The following KCNJ12 variants were observed in gnomAD, a reference collection of about 807,000 sequenced individuals.
The protein encoded by KCNJ12 is ATP-sensitive inward rectifier potassium channel 12.
KCNJ12 carries 2 observed loss-of-function variants against 22.3 expected under a neutral mutation model. The ratio of observed to expected loss-of-function variants is 0.09; its 90% CI spans 0.04 to 0.28. KCNJ12 has a LOEUF of 0.28. Ranked by LOEUF, KCNJ12 falls within the 10% of genes least tolerant of loss-of-function variation. KCNJ12 has a pLI of 1.00. For synonymous variants in KCNJ12, 117 were observed against 261.4 expected, an observed-to-expected ratio of 0.45 and a Z score of 5.33; for missense variants, 155 against 633.3, an observed-to-expected ratio of 0.24 and a Z score of 8.11.
intron 1 of KCNJ12, among the ~76,000 whole-genome samples, chr17:21,404,634 C>G (rs1597572449): frequency 6.6e-6 from 1 of 152,342 alleles, no homozygotes; most frequent in South Asian, 2.1e-4. Flanking sequence ...CTCCCCTGTT[C>G]CTAGGACTTA....
At chr17:21,384,853 A>G (rs1453384103) in intron 1 of KCNJ12, among the ~76,000 whole-genome samples, 1 of 149,378 alleles carries the variant, frequency 6.7e-6, no homozygotes, top group Non-Finnish European at 1.5e-5. Flanking sequence ...GCTCACTGCA[A>G]TCTCCGCCTC....
chr17:21,412,164 G>T (rs1213953503), intron 2 of KCNJ12, among the ~76,000 whole-genome samples: 1 of 152,296 alleles, frequency 6.6e-6, no homozygotes, highest in Admixed American at 6.5e-5. Context: ...TTGGCTCTGA[G>T]AAATGAGGGA....
rs186781189 is a variant in KCNJ12 at position 21,377,212 on chromosome 17, C to T, written c.-179+299C>T. 2.3e-3 allele frequency among the ~76,000 whole-genome samples: 348 copies of T among 152,084 alleles called. 1 individual carries two copies. The highest frequency in any genetic ancestry group is 4.2e-3 in the Non-Finnish European group (285 of 67,986). Reference sequence around the variant, plus strand: ...GGCGCTCCGGGAAACTTTGAGGAGCCCTCGGCCCCCCTCTGACTGGTTTGC... The same window carrying T: ...GGCGCTCCGGGAAACTTTGAGGAGCTCTCGGCCCCCCTCTGACTGGTTTGC... On this transcript the variant is annotated intron_variant, in intron 1 of 2. Transcript: ENST00000583088.
intron 1 of KCNJ12, chr17:21,405,176 C>T (rs1236609071): frequency 1.3e-5 from 2 of 152,788 alleles, no homozygotes; most frequent in East Asian, 1.9e-4. Flanking sequence ...AGCTTTCCGT[C>T]CTGTTGGGAA....
intron 1 of KCNJ12, among the ~76,000 whole-genome samples, chr17:21,386,971 C>T (rs1470213589): frequency 2.0e-5 from 3 of 152,234 alleles, no homozygotes; most frequent in Non-Finnish European, 4.4e-5. Flanking sequence ...AGCCACTACT[C>T]ATGGCCAACC....
chr17:21,382,559 A>C, intron 1 of KCNJ12, among the ~76,000 whole-genome samples: 1 of 152,194 alleles, frequency 6.6e-6, no homozygotes, highest in Non-Finnish European at 1.5e-5. Context: ...TGCAATGATC[A>C]ACTCCAGCGG....
At chr17:21,409,571 C>T (rs1480671937) in intron 2 of KCNJ12, among the ~76,000 whole-genome samples, 2 of 152,310 alleles carry the variant, frequency 1.3e-5, no homozygotes, top group Non-Finnish European at 2.9e-5. Context: ...AGCAGTGCCC[C>T]TCCCAGGGGC....
chr17:21,407,565 C>G (rs577948099), intron 1 of KCNJ12, among the ~76,000 whole-genome samples: 1 of 151,548 alleles, frequency 6.6e-6, no homozygotes, highest in Non-Finnish European at 1.5e-5. Flanking sequence ...TCCATCCACC[C>G]ACCCATTACC....
intron 1 of KCNJ12, among the ~76,000 whole-genome samples, chr17:21,386,428 C>T (rs1320254): frequency 0.45 from 69,162 of 152,118 alleles, 18,588 homozygotes; most frequent in Non-Finnish European, 0.59. Flanking sequence ...GATCCTCCTG[C>T]CTTAATCTCC....
intron 1 of KCNJ12, among the ~76,000 whole-genome samples, chr17:21,378,434 C>A (rs1904747521): frequency 6.6e-6 from 1 of 152,216 alleles, no homozygotes; most frequent in Non-Finnish European, 1.5e-5. Flanking sequence ...TCTGGTGGCA[C>A]CTCCAACCAG....
chr17:21,404,480 C>A (rs1455296769), intron 1 of KCNJ12, among the ~76,000 whole-genome samples: 2 of 152,262 alleles, frequency 1.3e-5, no homozygotes, highest in African/African-American at 4.8e-5. Flanking sequence ...TGAAGGCAGG[C>A]GCCCAATGCT....
chr17:21,406,461 T>A (rs1555561073), intron 1 of KCNJ12, among the ~76,000 whole-genome samples: 1 of 152,294 alleles, frequency 6.6e-6, no homozygotes, highest in Non-Finnish European at 1.5e-5. Flanking sequence ...GTTTTGAGGA[T>A]GGAATGGCTG....
At position 21,379,019 on chromosome 17, in the gene KCNJ12, C is replaced by T. The variant is rs78135491; in HGVS notation, c.-179+2106C>T. On this transcript the variant is annotated intron_variant, in intron 1 of 2. Coordinates refer to ENST00000583088, the MANE Select transcript of KCNJ12 (RefSeq NM_021012.5). ...TTCACCTAGCTCTTTCCAGGCCAGGCGCTTACCCCACCAGCCTTCCTGCCC... is the reference window on the plus strand; with the variant it reads ...TTCACCTAGCTCTTTCCAGGCCAGGTGCTTACCCCACCAGCCTTCCTGCCC... Among the ~76,000 whole-genome samples, 30 of 152,314 alleles carry T rather than the reference C, an allele frequency of 2.0e-4. No individual in the cohort carries two copies. The East Asian group carries it at 4.4e-3, about 23-fold the overall frequency.
intron 1 of KCNJ12, among the ~76,000 whole-genome samples, chr17:21,392,455 C>T (rs1194683005): frequency 6.6e-6 from 1 of 152,094 alleles, no homozygotes. Flanking sequence ...CCTCTGGCCC[C>T]ATGAGGCTGC....
intron 1 of KCNJ12, among the ~76,000 whole-genome samples, chr17:21,403,325 G>C (rs4985857): frequency 1.3e-5 from 2 of 152,306 alleles, no homozygotes; most frequent in African/African-American, 2.4e-5. Context: ...ACATGGGTCC[G>C]ATTTAAACAA....
At chr17:21,413,791 G>A (rs1259220170) in intron 2 of KCNJ12, among the ~76,000 whole-genome samples, 1 of 152,300 alleles carries the variant, frequency 6.6e-6, no homozygotes, top group Non-Finnish European at 1.5e-5. Flanking sequence ...ATGCCCTGCT[G>A]CGGGGCCTGT....
chr17:21,378,020 G>A (rs934459113), intron 1 of KCNJ12, among the ~76,000 whole-genome samples: 2 of 152,256 alleles, frequency 1.3e-5, no homozygotes, highest in African/African-American at 2.4e-5. Flanking sequence ...CCAAACCCAG[G>A]TTCACAGGCT....
chr17:21,380,866 C>T (rs1555557843), intron 1 of KCNJ12, among the ~76,000 whole-genome samples: 1 of 151,306 alleles, frequency 6.6e-6, no homozygotes, highest in Non-Finnish European at 1.5e-5. Flanking sequence ...GGCCCCAGTG[C>T]AGGCCTCCTG....
At chr17:21,412,478 G>A (rs35225516) in intron 2 of KCNJ12, among the ~76,000 whole-genome samples, 15,292 of 118,298 alleles carry the variant, frequency 0.13, no homozygotes, top group African/African-American at 0.19. Context: ...GCCATGACCC[G>A]CTGGAAGTCC....
Sources: gnomAD v4.1 joint callset for allele counts (sites outside exome capture counted in the v4.1 genomes callset) on GRCh38, gnomAD v4.1.1 for gene constraint, MANE v1.5 for transcripts, NCBI Gene and HGNC (gene_info 2026-07-23, HGNC 2026-07-21) for gene names.